KLHL32: variants seen among roughly 807,000 people sequenced by gnomAD.
KLHL32 encodes kelch-like protein 32.
KLHL32 carries 35 observed loss-of-function variants against 64.8 expected under a neutral mutation model. The observed-to-expected ratio is 0.54, with a 90% confidence interval of 0.41 to 0.72. The LOEUF is 0.72. KLHL32 is among the 30% of genes least tolerant of loss of function. The pLI is 0.00. For missense variants in KLHL32, 589 were observed against 768.5 expected, an observed-to-expected ratio of 0.77 and a Z score of 2.76; for synonymous variants, 259 against 281.0, an observed-to-expected ratio of 0.92 and a Z score of 0.78.
intron 6 of KLHL32, among the ~76,000 whole-genome samples, chr6:97,107,272 G>A (rs944747393): frequency 6.0e-5 from 9 of 148,832 alleles, no homozygotes; most frequent in African/African-American, 2.3e-4. Context: ...CGGCCTGGGC[G>A]AAAGGCAAGA....
intron 3 of KLHL32, among the ~76,000 whole-genome samples, chr6:97,012,278 G>C (rs752703114): frequency 1.5e-4 from 23 of 152,152 alleles, no homozygotes; most frequent in Non-Finnish European, 2.5e-4. Context: ...TTATGTAGCT[G>C]GACCCAATGT....
intron 3 of KLHL32, among the ~76,000 whole-genome samples, chr6:97,028,144 T>G (rs186179987): frequency 3.4e-3 from 511 of 152,192 alleles, no homozygotes; most frequent in Non-Finnish European, 5.0e-3. Context: ...AACATTTATG[T>G]GCATGTGGTT....
the KLHL32 span, among the ~76,000 whole-genome samples, chr6:96,899,355 A>G: frequency 6.6e-6 from 1 of 152,140 alleles, no homozygotes; most frequent in African/African-American, 2.4e-5. Flanking sequence ...AGAAATTTTA[A>G]TCTGCCTCAT....
chr6:96,920,462 T>C (rs1768716841), upstream of KLHL32, among the ~76,000 whole-genome samples: 1 of 152,134 alleles, frequency 6.6e-6, no homozygotes, highest in Admixed American at 6.5e-5. Context: ...TCGATGGTAC[T>C]GAGGTGACAT....
chr6:96,912,317 T>C, the KLHL32 span, among the ~76,000 whole-genome samples: 1 of 152,164 alleles, frequency 6.6e-6, no homozygotes, highest in Non-Finnish European at 1.5e-5. Context: ...GCCAACTTGC[T>C]CATCACCCTG....
upstream of KLHL32, among the ~76,000 whole-genome samples, chr6:96,922,516 A>C (rs1370739123): frequency 6.6e-6 from 1 of 151,950 alleles, no homozygotes; most frequent in Non-Finnish European, 1.5e-5. Flanking sequence ...AAAAAAAAAA[A>C]ATCTTCTTCA....
chr6:96,941,102 A>G (rs1479852857), intron 1 of KLHL32, among the ~76,000 whole-genome samples: 2 of 152,214 alleles, frequency 1.3e-5, no homozygotes, highest in African/African-American at 4.8e-5. Flanking sequence ...CTTCCTTTGT[A>G]CTTTTGTAAA....
intron 1 of KLHL32, among the ~76,000 whole-genome samples, chr6:96,965,121 T>C (rs1774311739): frequency 6.6e-6 from 1 of 152,254 alleles, no homozygotes; most frequent in Non-Finnish European, 1.5e-5. Flanking sequence ...CCTGCATTAA[T>C]TCGTTTTGCA....
chr6:96,989,226 T>C (rs1463693009), intron 3 of KLHL32, among the ~76,000 whole-genome samples: 1 of 152,248 alleles, frequency 6.6e-6, no homozygotes, highest in African/African-American at 2.4e-5. Flanking sequence ...GTTTTTGTGG[T>C]AGCTGGTAAT....
Position 97,060,483 on chromosome 6 carries a change from G to A in KLHL32, c.313-4145G>A, listed in dbSNP as rs565999449. Among the ~76,000 whole-genome samples the A allele has an allele frequency of 7.7e-4, 118 of 152,282 alleles. 1 individual carries two copies. Among genetic ancestry groups the A allele is most frequent in the African/African-American group, 2.7e-3 (114 of 41,554 alleles). On this transcript the variant is annotated intron_variant, in intron 4 of 10. Coordinates refer to ENST00000369261, the MANE Select transcript of KLHL32 (RefSeq NM_052904.4). ...CTCCACCCTCCCAGAGCCCCCATGTGAGGTGTGGGCACTGACTGAGGTGGC... is the reference window on the plus strand; with the variant it reads ...CTCCACCCTCCCAGAGCCCCCATGTAAGGTGTGGGCACTGACTGAGGTGGC...
At chr6:96,960,719 T>A (rs1773792753) in intron 1 of KLHL32, among the ~76,000 whole-genome samples, 1 of 152,036 alleles carries the variant, frequency 6.6e-6, no homozygotes, top group African/African-American at 2.4e-5. Flanking sequence ...TACAGTTTGG[T>A]TTTATACATT....
chr6:97,027,207 G>A (rs950561932), intron 3 of KLHL32, among the ~76,000 whole-genome samples: 3 of 151,758 alleles, frequency 2.0e-5, no homozygotes, highest in Non-Finnish European at 4.4e-5. Flanking sequence ...AGATCTTATG[G>A]ATGACATTGT....
chr6:97,118,568 G>A (rs187309856), intron 7 of KLHL32, among the ~76,000 whole-genome samples: 18 of 138,384 alleles, frequency 1.3e-4, no homozygotes, highest in South Asian at 9.2e-4. Context: ...GCAGTGAGGC[G>A]AGGTCACACC....
chr6:97,064,598 T>C (rs778330630), intron 4 of KLHL32, 30 bp from the exon 5 acceptor site: 3 of 1,525,964 alleles, frequency 2.0e-6, no homozygotes, highest in Admixed American at 1.7e-5. Context: ...GTGTAACTGA[T>C]AGTTTTATTT....
In KLHL32 at chr6:97,127,445, G is replaced by T. The variant is rs760360397; in HGVS notation, c.1396G>T (p.Val466Leu). 1 of 1,613,120 alleles carries T rather than the reference G, an allele frequency of 6.2e-7. No individual in the cohort carries two copies. Among genetic ancestry groups the T allele is most frequent in the African/African-American group, 1.3e-5 (1 of 74,994 alleles). The change falls in exon 8 of 11, where the codon GTG becomes TTG. Residue 466 changes from valine to leucine, a missense_variant. Transcript: ENST00000369261. ...NTAQYQNRLM[V>L]YEPNQNKWIS... ...GGCACAATATCAGAACAGGCTAATGGTGTATGAACCTAACCAGGTAAGAAT... is the reference window on the plus strand; with the variant it reads ...GGCACAATATCAGAACAGGCTAATGTTGTATGAACCTAACCAGGTAAGAAT...
chr6:96,927,153 G>A (rs953954078), intron 1 of KLHL32, among the ~76,000 whole-genome samples: 2 of 152,114 alleles, frequency 1.3e-5, no homozygotes, highest in African/African-American at 4.8e-5. Flanking sequence ...AGGAATTTTT[G>A]AATCTGGTGA....
rs567493299 is a variant in KLHL32 at position 97,098,212 on chromosome 6, G to A, written c.627+12871G>A. Among the ~76,000 whole-genome samples, 8 of 152,104 alleles carry A rather than the reference G, an allele frequency of 5.3e-5. No homozygotes were observed. In the East Asian group the frequency reaches 5.8e-4, roughly 11 times the overall value. ...ATTGTGTTATAATGAGCTTTGTACC[G>A]CTTTCATGCATACCCTTTAAAAAAG... On this transcript the variant is annotated intron_variant, in intron 6 of 10. Transcript: ENST00000369261.
At chr6:96,938,418 T>G (rs1231838502) in intron 1 of KLHL32, among the ~76,000 whole-genome samples, 1 of 152,172 alleles carries the variant, frequency 6.6e-6, no homozygotes, top group Non-Finnish European at 1.5e-5. Flanking sequence ...AGTGGACACC[T>G]TCTCTTCTGG....
chr6:96,950,592 A>G (rs1164927050), intron 1 of KLHL32, among the ~76,000 whole-genome samples: 1 of 151,632 alleles, frequency 6.6e-6, no homozygotes, highest in Non-Finnish European at 1.5e-5. Context: ...TGCTATTTAA[A>G]TATTGAATGA....
Sources: gnomAD v4.1 joint callset for allele counts (sites outside exome capture counted in the v4.1 genomes callset) on GRCh38, gnomAD v4.1.1 for gene constraint, MANE v1.5 for transcripts, NCBI Gene and HGNC (gene_info 2026-07-23, HGNC 2026-07-21) for gene names.